Variants in SRSF4 observed in about 807,000 individuals in gnomAD.
SRSF4 encodes the protein serine and arginine rich splicing factor 4.
Under a neutral mutation model 48.8 loss-of-function variants are expected in SRSF4, and 12 were observed. The ratio of observed to expected loss-of-function variants is 0.25; its 90% CI spans 0.16 to 0.40. SRSF4 has a LOEUF of 0.40. SRSF4 is among the 10% of genes least tolerant of loss of function. SRSF4 has a pLI of 1.00. For missense variants in SRSF4, 466 were observed against 667.1 expected (o/e 0.70, Z 3.32); for synonymous variants, 248 against 232.5 (o/e 1.07, Z -0.61).
chr1:29,156,817 T>C (rs2151814598), intron 3 of SRSF4, among the ~76,000 whole-genome samples: 1 of 152,236 alleles, frequency 6.6e-6, no homozygotes, highest in African/African-American at 2.4e-5. Context: ...TAAGAGTGCA[T>C]AAAGAGTGGG....
At chr1:29,177,245 G>A (rs1389268) in intron 1 of SRSF4, among the ~76,000 whole-genome samples, 17,335 of 151,312 alleles carry the variant, frequency 0.11, 1,360 homozygotes, top group East Asian at 0.41. Context: ...CGTGCATCTA[G>A]GATTCCTGCC....
chr1:29,152,788 G>A (rs1672433503), intron 4 of SRSF4, among the ~76,000 whole-genome samples: 1 of 151,944 alleles, frequency 6.6e-6, no homozygotes, highest in Admixed American at 6.6e-5. Flanking sequence ...GCATGGTGGT[G>A]TGCACCTGTG....
At chr1:29,160,601 T>C in intron 1 of SRSF4, 84 bp from the exon 2 acceptor site, 11 of 1,458,556 alleles carry the variant, frequency 7.5e-6, no homozygotes, top group Non-Finnish European at 9.2e-6. Context: ...ATGAGGTTCA[T>C]GCTTAGCAAA....
chr1:29,154,984 T>G (rs1224404832), intron 3 of SRSF4, 74 bp from the exon 4 acceptor site: 1 of 1,387,784 alleles, frequency 7.2e-7, no homozygotes, highest in South Asian at 1.3e-5. Flanking sequence ...TCTGAGTGAA[T>G]TTTTCCTTTA....
rs1360848844 is a variant in SRSF4 at position 29,148,944 on chromosome 1, C to G, written c.951G>C (p.Val317=). The G allele has an allele frequency of 6.2e-7, 1 of 1,611,466 alleles. No individual in the cohort carries two copies. ...TCTTCTCCTGGCTCCTGCCCCTGCT[C>G]ACACTCCCTCGCTTCTCCTCCTCCA... The part of the protein sequence containing the change: ...RRVEEEKRGS[V]SRGRSQEKSL... The change falls in exon 6 of 6, where the codon GTG becomes GTC. Residue 317 remains valine, a synonymous_variant. Coordinates refer to ENST00000373795, the MANE Select transcript of SRSF4 (RefSeq NM_005626.5).
intron 1 of SRSF4, chr1:29,166,933 C>T (rs1672677096): frequency 6.6e-6 from 1 of 152,284 alleles, no homozygotes; most frequent in Non-Finnish European, 1.5e-5. Flanking sequence ...GAAAACCTAC[C>T]TCATGATTTC....
intron 4 of SRSF4, among the ~76,000 whole-genome samples, chr1:29,152,684 C>G (rs186481344): frequency 3.3e-5 from 5 of 152,106 alleles, no homozygotes; most frequent in Admixed American, 3.3e-4. Context: ...TTTGGAAGGC[C>G]GAGGTGGGTG....
Position 29,148,499 on chromosome 1 carries a change from A to C in SRSF4, c.1396T>G (p.Ser466Ala). The change falls in exon 6 of 6, where the codon TCA (serine) becomes GCA (alanine). Residue 466 changes from serine (S) to alanine (A), a missense_variant. Physicochemically the swap from Ser to Ala is moderately conservative, Grantham distance 99 (BLOSUM62 1). Around this residue, in one of 2 missense-constraint regions of SRSF4, gnomAD observed 402 missense variants for 437.0 expected, o/e 0.92. Coordinates refer to ENST00000373795, the MANE Select transcript of SRSF4 (RefSeq NM_005626.5). ...GACTTGGACCGAGATCGGGTTTTTG[A>C]AGCTGACTTTGATCTGGAGCGTGAT... The part of the protein sequence containing the change: ...SESRSRSKSA[S>A]KTRSRSKSRS... 1 of 1,614,008 alleles carries C rather than the reference A, an allele frequency of 6.2e-7. No individual in the cohort carries two copies. The highest frequency in any genetic ancestry group is 8.5e-7 in the Non-Finnish European group (1 of 1,180,012).
rs189220988 is a variant in SRSF4, at chr1:29,165,194, C to T, written c.108-4677G>A. ...TTTTCCCTGTAAAAAAAGGCAGGCA[C>T]CATGAGTCTTACCAAGTATAGACAG... On this transcript the variant is annotated intron_variant, in intron 1 of 5. Coordinates refer to ENST00000373795, the MANE Select transcript of SRSF4 (RefSeq NM_005626.5). Among the ~76,000 whole-genome samples, 307 of 152,298 alleles carry T rather than the reference C, an allele frequency of 2.0e-3. 8 individuals carry two copies. The highest frequency in any genetic ancestry group is 0.018 in the Admixed American group (280 of 15,294).
chr1:29,175,678 G>C (rs1672829872), intron 1 of SRSF4, among the ~76,000 whole-genome samples: 2 of 99,574 alleles, frequency 2.0e-5, no homozygotes, highest in Admixed American at 3.2e-4. Flanking sequence ...CTGGGCGACA[G>C]AGCCAGACGC....
intron 1 of SRSF4, among the ~76,000 whole-genome samples, chr1:29,176,037 G>A (rs1283773789): frequency 6.6e-6 from 1 of 152,124 alleles, no homozygotes; most frequent in Non-Finnish European, 1.5e-5. Flanking sequence ...TGGATCATGA[G>A]GTCAGGAGAT....
intron 1 of SRSF4, among the ~76,000 whole-genome samples, chr1:29,175,491 C>T (rs1363138031): frequency 1.3e-5 from 2 of 150,492 alleles, no homozygotes; most frequent in South Asian, 2.1e-4. Context: ...GTCAGGAGAT[C>T]GAGACCATCC....
intron 3 of SRSF4, among the ~76,000 whole-genome samples, chr1:29,156,441 A>G (rs1463702122): frequency 1.3e-5 from 2 of 152,128 alleles, no homozygotes; most frequent in Admixed American, 1.3e-4. Flanking sequence ...GCTAACATAC[A>G]TTGTGCCAGA....
rs922008949 is a variant in SRSF4 at position 29,181,830 on chromosome 1, AGCG to A, written c.-81_-79del. ...GCGGGCAAAGCGAGAGCACGGCGGC[AGCG>A]GCGGCGGCGGCAACGGGCGGGCGGC... is the stretch of plus-strand genomic sequence containing the variant. On this transcript the variant is annotated 5_prime_UTR_variant, in exon 1 of 6. Transcript: ENST00000373795. The A allele has an allele frequency of 6.1e-5, 76 of 1,246,828 alleles. No homozygotes were observed. The highest frequency in any genetic ancestry group is 9.6e-5 in the South Asian group (5 of 51,984). The allele number at this position is 1,246,828 out of a possible 1,614,324, so 77.2% of individuals were successfully genotyped here.
rs746654624 is a variant in SRSF4, at chr1:29,148,464, C to T, written c.1431G>A (p.Arg477=). 6.2e-6 allele frequency: 10 copies of T among 1,613,002 alleles called. No homozygotes were observed. The highest frequency in any genetic ancestry group is 6.8e-6 in the Non-Finnish European group (8 of 1,179,512). Residue 477 remains arginine, a synonymous_variant, in exon 6 of 6, where the codon AGG becomes AGA. Transcript: ENST00000373795. ...KTRSRSKSRS[R]SASRSPSRSR... ...ATCGGGAGGGCGATCTGGAAGCAGA[C>T]CTGGATCTAGACTTGGACCGAGATC...
intron 1 of SRSF4, among the ~76,000 whole-genome samples, chr1:29,181,275 G>A (rs1347482389): frequency 6.6e-6 from 1 of 152,222 alleles, no homozygotes; most frequent in African/African-American, 2.4e-5. Flanking sequence ...CCTCAGAGCG[G>A]GAAAGGTTGG....
At chr1:29,149,972 G>A (rs1026256275) in intron 5 of SRSF4, 131 bp downstream of exon 5, 5 of 721,930 alleles carry the variant, frequency 6.9e-6, no homozygotes, top group Non-Finnish European at 1.2e-5. Flanking sequence ...AGGCTGCAGT[G>A]AGCCATGACT....
chr1:29,167,692 T>C (rs993892761), intron 1 of SRSF4, among the ~76,000 whole-genome samples: 116 of 152,320 alleles, frequency 7.6e-4, no homozygotes, highest in African/African-American at 2.7e-3. Context: ...CATGTTTCTG[T>C]AGCTTTTTAA....
chr1:29,179,193 T>C (rs118123551), intron 1 of SRSF4, among the ~76,000 whole-genome samples: 1 of 152,322 alleles, frequency 6.6e-6, no homozygotes, highest in East Asian at 1.9e-4. Context: ...TAATAGTCGT[T>C]GTTTCTGGTT....
Sources: gnomAD v4.1 joint callset for allele counts (sites outside exome capture counted in the v4.1 genomes callset) on GRCh38, gnomAD v4.1.1 for gene constraint, gnomAD v4.1.1 regional missense constraint, MANE v1.5 for transcripts, NCBI Gene and HGNC (gene_info 2026-07-23, HGNC 2026-07-21) for gene names.